The following ARL5B variants were observed in gnomAD, a reference collection of about 807,000 sequenced individuals.
The protein encoded by ARL5B is ADP-ribosylation factor-like protein 5B.
Under a neutral mutation model 26.9 loss-of-function variants are expected in ARL5B, and 10 were observed. The observed-to-expected ratio is 0.37, with a 90% CI of 0.23 to 0.63. ARL5B has a LOEUF of 0.63. ARL5B is among the 30% of genes least tolerant of loss of function. The pLI, the probability that ARL5B is intolerant of heterozygous loss-of-function variation, is 0.62. For missense variants in ARL5B, 167 were observed against 213.9 expected (o/e 0.78, Z 1.37); for synonymous variants, 87 against 70.4 (o/e 1.24, Z -1.18).
chr10:18,673,964 A>G lies in ARL5B; in HGVS notation c.340-20A>G. On this transcript the variant is annotated intron_variant, in intron 4 of 5. Coordinates refer to ENST00000377275, the MANE Select transcript of ARL5B (RefSeq NM_178815.5). ...AATTGTGGTATTTCACATATTAGAA[A>G]TATTTTGTCTTGATTGCAGGATTTA... 2.5e-6 allele frequency: 4 copies of G among 1,578,640 alleles called. No homozygotes were observed. The South Asian group carries it at 4.6e-5, about 18-fold the overall frequency.
At chr10:18,661,995 T>A (rs1477259677) in intron 1 of ARL5B, among the ~76,000 whole-genome samples, 1 of 152,204 alleles carries the variant, frequency 6.6e-6, no homozygotes, top group African/African-American at 2.4e-5. Context: ...TTAAACTCTC[T>A]AGAGCAAGGA....
Position 18,681,014 on chromosome 10 carries a change from A to T in ARL5B, c.*5798A>T, listed in dbSNP as rs1218541820. The T allele has an allele frequency of 3.3e-5, 5 of 152,168 alleles. No homozygotes were observed. Among genetic ancestry groups the T allele is most frequent in the Non-Finnish European group, 7.4e-5 (5 of 68,020 alleles). The allele number at this position is 152,168 out of a possible 1,614,324, so 9.4% of individuals were successfully genotyped here. ...TATATATGTGCATTTCTTAAGATTT[A>T]AATACAAACTGTTGTTACTCCTTAA... On this transcript the variant is annotated 3_prime_UTR_variant, in exon 6 of 6. Coordinates refer to ENST00000377275, the MANE Select transcript of ARL5B (RefSeq NM_178815.5).
At chr10:18,669,846 A>G (rs561842660) in intron 3 of ARL5B, among the ~76,000 whole-genome samples, 1 of 152,106 alleles carries the variant, frequency 6.6e-6, no homozygotes, top group South Asian at 2.1e-4. Flanking sequence ...ACAAAAAACT[A>G]GCCGGGCGTG....
intron 1 of ARL5B, among the ~76,000 whole-genome samples, chr10:18,660,887 G>T (rs116364580): frequency 1.3e-5 from 2 of 151,928 alleles, no homozygotes. Flanking sequence ...TTTCTCTGTC[G>T]CCCAGGCTTC....
Position 18,679,392 on chromosome 10 carries a change from G to A in ARL5B, c.*4176G>A, listed in dbSNP as rs2059923439. The A allele has an allele frequency of 1.3e-5, 2 of 151,808 alleles. No individual in the cohort carries two copies. Among genetic ancestry groups the A allele is most frequent in the Admixed American group, 6.6e-5 (1 of 15,236 alleles). 9.4% of individuals were successfully genotyped at this position (151,808 alleles called of 1,614,324 possible). ...GTGACTTTCCATATTGAAAGAGTAG[G>A]GTTAGTAGCCAGGTTGTCAGTCTTT... On this transcript the variant is annotated 3_prime_UTR_variant, in exon 6 of 6. Transcript: ENST00000377275.
rs1207642664 is a variant in ARL5B at position 18,679,744 on chromosome 10, G to A, written c.*4528G>A. On this transcript the variant is annotated 3_prime_UTR_variant, in exon 6 of 6. Transcript: ENST00000377275. ...TTAATTTGGAGGTTTAGAAGCATAC[G>A]AAAAACAAATTCAAAGCACTTGAAA... is the stretch of plus-strand genomic sequence containing the variant. 4.0e-5 allele frequency: 6 copies of A among 151,824 alleles called. No homozygotes were observed. The highest frequency in any genetic ancestry group is 5.9e-5 in the Non-Finnish European group (4 of 67,826). 9.4% of individuals were successfully genotyped at this position (151,824 alleles called of 1,614,324 possible). A position where few individuals can be genotyped will look rare whatever the true frequency, so the allele number is the denominator to read the frequency against.
rs2059914238 is a variant in ARL5B, at chr10:18,677,251, A to G, written c.*2035A>G. 1 of 152,050 alleles carries G rather than the reference A, an allele frequency of 6.6e-6. No homozygotes were observed. Among genetic ancestry groups the G allele is most frequent in the African/African-American group, 2.4e-5 (1 of 41,328 alleles). The allele number at this position is 152,050 out of a possible 1,614,324, so 9.4% of individuals were successfully genotyped here. ...TTGGCTGGCTCAATTTTCTTCTGTC[A>G]AATTATATGGTTATTTTTTATATTA... is the stretch of plus-strand genomic sequence containing the variant. On this transcript the variant is annotated 3_prime_UTR_variant, in exon 6 of 6. Transcript: ENST00000377275.
Position 18,672,603 on chromosome 10 carries a change from C to A in ARL5B, c.256-19C>A, listed in dbSNP as rs776265443. ...GCATCCCATTCAATTTTCTGTCTTT[C>A]CTTTTAATTTTCTTCTAGTTCATCA... is the stretch of plus-strand genomic sequence containing the variant. On this transcript the variant is annotated intron_variant, in intron 3 of 5. Transcript: ENST00000377275. 2.5e-6 allele frequency: 4 copies of A among 1,585,402 alleles called. No homozygotes were observed. The African/African-American group carries it at 5.4e-5, about 21-fold the overall frequency.
chr10:18,669,168 G>A (rs748885099), intron 3 of ARL5B, among the ~76,000 whole-genome samples: 7 of 151,844 alleles, frequency 4.6e-5, no homozygotes, highest in African/African-American at 7.3e-5. Flanking sequence ...TTGGGTTTTC[G>A]AATAAAAGAA....
Position 18,668,320 on chromosome 10 carries a change from T to TA in ARL5B, c.108-199dup, listed in dbSNP as rs1289270529. On this transcript the variant is annotated intron_variant, in intron 2 of 5. Transcript: ENST00000377275. The stretch of plus-strand genomic sequence containing the variant: ...CCATCAAGCTTGCAATTCCTTCCGT[T>TA]AAAAAAAAAAACAAACAAGAAACAA... Among the ~76,000 whole-genome samples the TA allele has an allele frequency of 8.5e-4, 123 of 145,270 alleles. 1 individual carries two copies. The highest frequency in any genetic ancestry group is 1.8e-3 in the African/African-American group (73 of 39,952).
rs989666068 is a variant in ARL5B at position 18,675,697 on chromosome 10, C to T, written c.*481C>T. 10 of 154,916 alleles carry T rather than the reference C, an allele frequency of 6.5e-5. No individual in the cohort carries two copies. The highest frequency in any genetic ancestry group is 2.4e-4 in the African/African-American group (10 of 41,414). 9.6% of individuals were successfully genotyped at this position (154,916 alleles called of 1,614,324 possible). On this transcript the variant is annotated 3_prime_UTR_variant, in exon 6 of 6. Transcript: ENST00000377275. ...CTCTATAAACCATTCATCTTTCGGACAGAACTTACTGTAAAGAAAGAAATC... is the reference window on the plus strand; with the variant it reads ...CTCTATAAACCATTCATCTTTCGGATAGAACTTACTGTAAAGAAAGAAATC...
chr10:18,662,763 G>A (rs375309997), intron 1 of ARL5B, among the ~76,000 whole-genome samples: 19 of 148,432 alleles, frequency 1.3e-4, no homozygotes, highest in African/African-American at 4.7e-4. Flanking sequence ...GAGTGCAGTG[G>A]TGCGATCTCG....
intron 2 of ARL5B, among the ~76,000 whole-genome samples, chr10:18,667,646 G>A (rs2059867342): frequency 6.6e-6 from 1 of 151,878 alleles, no homozygotes; most frequent in Admixed American, 6.6e-5. Flanking sequence ...GATTAATGTA[G>A]CTTTACCAAT....
In ARL5B at chr10:18,677,434, T is replaced by A. The variant is rs2059915069; in HGVS notation, c.*2218T>A. ...AGTTTTGGATTAGAAATGATTTATG[T>A]TAGCCATGTGTTGAAGATGAAATTG... On this transcript the variant is annotated 3_prime_UTR_variant, in exon 6 of 6. Coordinates refer to ENST00000377275, the MANE Select transcript of ARL5B (RefSeq NM_178815.5). 6.6e-6 allele frequency: 1 copy of A among 152,310 alleles called. No individual in the cohort carries two copies. The allele number at this position is 152,310 out of a possible 1,614,324, so 9.4% of individuals were successfully genotyped here.
Position 18,676,976 on chromosome 10 carries a change from C to A in ARL5B, c.*1760C>A, listed in dbSNP as rs1472412197. 3 of 152,230 alleles carry A rather than the reference C, an allele frequency of 2.0e-5. No individual in the cohort carries two copies. The highest frequency in any genetic ancestry group is 7.2e-5 in the African/African-American group (3 of 41,386). 9.4% of individuals were successfully genotyped at this position (152,230 alleles called of 1,614,324 possible). ...TAGTTTAACTTAGTTTTTAATATAA[C>A]CCATAATCAAGAACATGAGCGAAAA... On this transcript the variant is annotated 3_prime_UTR_variant, in exon 6 of 6. Transcript: ENST00000377275.
rs1025251635 is a variant in ARL5B, at chr10:18,659,858, T to G, written c.46+175T>G. 9.1e-6 allele frequency: 9 copies of G among 985,126 alleles called. No homozygotes were observed. In the African/African-American group the frequency reaches 1.0e-4, roughly 11 times the overall value. 61.0% of individuals were successfully genotyped at this position (985,126 alleles called of 1,614,324 possible). A position where few individuals can be genotyped will look rare whatever the true frequency, so the allele number is the denominator to read the frequency against. ...ACCTGGAGGACGTACAGGAGAGACCTGACGTGTGGGAGAAATAGGGAGGCA... is the reference window on the plus strand; with the variant it reads ...ACCTGGAGGACGTACAGGAGAGACCGGACGTGTGGGAGAAATAGGGAGGCA... On this transcript the variant is annotated intron_variant, in intron 1 of 5. Transcript: ENST00000377275.
chr10:18,675,348 A>C lies in ARL5B; in HGVS notation c.*132A>C. The C allele has an allele frequency of 2.4e-6, 2 of 820,866 alleles. No individual in the cohort carries two copies. Among genetic ancestry groups the C allele is most frequent in the Non-Finnish European group, 3.9e-6 (2 of 508,498 alleles). 50.8% of individuals were successfully genotyped at this position (820,866 alleles called of 1,614,324 possible). On this transcript the variant is annotated 3_prime_UTR_variant, in exon 6 of 6. Transcript: ENST00000377275. ...ACCTCTGAGAGCAACACTTGAATCA[A>C]GTGCAGCTGAACTGGAACATAAAAG...
At chr10:18,663,968 T>TGTTTC (rs1286123964) in intron 1 of ARL5B, among the ~76,000 whole-genome samples, 2 of 151,990 alleles carry the variant, frequency 1.3e-5, no homozygotes, top group African/African-American at 4.8e-5. Context: ...TGTTTTGTTT[T>TGTTTC]GTTTGAGACG....
In ARL5B at chr10:18,660,726, A is replaced by G. The variant is rs531059804; in HGVS notation, c.46+1043A>G. 2.6e-5 allele frequency among the ~76,000 whole-genome samples: 4 copies of G among 151,382 alleles called. No individual in the cohort carries two copies. In the South Asian group the frequency reaches 8.3e-4, roughly 31 times the overall value. On this transcript the variant is annotated intron_variant, in intron 1 of 5. Coordinates refer to ENST00000377275, the MANE Select transcript of ARL5B (RefSeq NM_178815.5). Reference sequence around the variant, plus strand: ...TATAAATATAGATACAGGCACACACATGTGTATATATATGTATATGCCTGT... The same window carrying G: ...TATAAATATAGATACAGGCACACACGTGTGTATATATATGTATATGCCTGT...
Sources: allele counts gnomAD v4.1 joint callset (sites outside exome capture counted in the v4.1 genomes callset), GRCh38; gene constraint gnomAD v4.1.1; transcripts MANE v1.5; gene names NCBI Gene and HGNC (gene_info 2026-07-23, HGNC 2026-07-21).